Variants in SPIRE2 observed in about 807,000 individuals in gnomAD.
SPIRE2 encodes the protein protein spire homolog 2.
SPIRE2 carries 76 observed loss-of-function variants against 80.7 expected under a neutral mutation model. The observed-to-expected ratio is 0.94, with a 90% confidence interval of 0.78 to 1.14. SPIRE2 has a LOEUF of 1.14. Among genes scored for constraint, SPIRE2 ranks in the 50% most tolerant of loss-of-function variants. The pLI, the probability that SPIRE2 is intolerant of heterozygous loss-of-function variation, is 0.00. For missense variants in SPIRE2, 1,196 were observed against 1,015.3 expected (o/e 1.18, Z -2.42); for synonymous variants, 535 against 432.6 (o/e 1.24, Z -2.94).
Position 89,850,390 on chromosome 16 carries a change from G to A in SPIRE2, c.375G>A (p.Leu125=), listed in dbSNP as rs1228648925. The A allele has an allele frequency of 1.9e-6, 3 of 1,598,080 alleles. No homozygotes were observed. Among genetic ancestry groups the A allele is most frequent in the Non-Finnish European group, 2.6e-6 (3 of 1,174,002 alleles). ...AGGAGCGCGAACTCAGCCCTCAGCTGGAGCGGCTCATCGACCTCATGGCCA... is the reference window on the plus strand; with the variant it reads ...AGGAGCGCGAACTCAGCCCTCAGCTAGAGCGGCTCATCGACCTCATGGCCA... ...ESEERELSPQ[L]ERLIDLMANN... is the part of the protein sequence containing the mutation. Residue 125 remains leucine (L), a synonymous_variant, in exon 3 of 15, where the codon CTG becomes CTA. Transcript: ENST00000378247.
chr16:89,854,389 CGGGCCACTGACGCGGCCCAGCCT>C, intron 4 of SPIRE2, 23 bp downstream of exon 4: 2 of 1,611,446 alleles, frequency 1.2e-6, no homozygotes, highest in Non-Finnish European at 1.7e-6. Context: ...CCCACCTGAC[CGGGCCACTGACGCGGCCCAGCCT>C]GCCAAGGGTC....
chr16:89,845,449 A>G lies in SPIRE2; in HGVS notation c.288+84A>G, dbSNP rs1357645886. On this transcript the variant is annotated intron_variant, in intron 2 of 14. Transcript: ENST00000378247. ...AAAATGTAAATCATAAAACATATAT[A>G]GTTACACAGTTGTTTCAGGGAGGCA... 8.8e-6 allele frequency: 11 copies of G among 1,254,372 alleles called. No individual in the cohort carries two copies. In the Admixed American group the frequency reaches 1.9e-4, roughly 21 times the overall value. The allele number at this position is 1,254,372 out of a possible 1,614,324, so 77.7% of individuals were successfully genotyped here. A position where few individuals can be genotyped will look rare whatever the true frequency, so the allele number is the denominator to read the frequency against.
intron 1 of SPIRE2, among the ~76,000 whole-genome samples, chr16:89,839,366 T>TC (rs1166219924): frequency 1.0e-5 from 1 of 100,426 alleles, no homozygotes; most frequent in Non-Finnish European, 1.8e-5. Context: ...AGAGCGAGAC[T>TC]CCATCTCAAA....
chr16:89,841,252 C>T (rs2041503396), intron 1 of SPIRE2, among the ~76,000 whole-genome samples: 1 of 151,796 alleles, frequency 6.6e-6, no homozygotes, highest in Non-Finnish European at 1.5e-5. Context: ...TGCTTCCCTG[C>T]AGGGAGAAAT....
chr16:89,859,117 G>T, intron 8 of SPIRE2, 48 bp from the exon 9 acceptor site: 1 of 1,462,948 alleles, frequency 6.8e-7, no homozygotes, highest in Non-Finnish European at 9.2e-7. Flanking sequence ...TGGGCAGGAG[G>T]CACTGGCGGG....
Position 89,854,567 on chromosome 16 carries a change from C to T in SPIRE2, c.807C>T (p.Pro269=), listed in dbSNP as rs374480818. ...AGGTGCAAGAGCAGGAGTTCAACCC[C>T]CTCCCCACCGAGTTCCAGCTCACGC... ...LKKVQEQEFN[P]LPTEFQLTPF... is the part of the protein sequence containing the mutation. Residue 269 remains proline (P), a synonymous_variant, in exon 5 of 15, where the codon CCC becomes CCT. Coordinates refer to ENST00000378247, the MANE Select transcript of SPIRE2 (RefSeq NM_032451.2). 7.4e-6 allele frequency: 12 copies of T among 1,612,296 alleles called. No homozygotes were observed. Among genetic ancestry groups the T allele is most frequent in the Admixed American group, 1.7e-5 (1 of 59,948 alleles).
At chr16:89,833,418 C>T (rs1283336159) in intron 1 of SPIRE2, among the ~76,000 whole-genome samples, 1 of 152,264 alleles carries the variant, frequency 6.6e-6, no homozygotes, top group African/African-American at 2.4e-5. Flanking sequence ...GCCACCGCAC[C>T]CGCCTGGCCA....
chr16:89,863,502 G>C lies in SPIRE2; in HGVS notation c.1602G>C (p.Leu534=). 1 of 1,614,078 alleles carries C rather than the reference G, an allele frequency of 6.2e-7. No individual in the cohort carries two copies. Among genetic ancestry groups the C allele is most frequent in the Non-Finnish European group, 8.5e-7 (1 of 1,180,030 alleles). The part of the protein sequence containing the change: ...WLEFSHPVES[L]ALTVEEVMDV... ...AGTTCAGCCACCCCGTGGAGAGCCTGGCGCTGACTGTGGAAGAGGTGATGG... is the reference window on the plus strand; with the variant it reads ...AGTTCAGCCACCCCGTGGAGAGCCTCGCGCTGACTGTGGAAGAGGTGATGG... The change falls in exon 11 of 15, where the codon CTG becomes CTC. Residue 534 remains leucine, a synonymous_variant. Transcript: ENST00000378247. This position sits in a 1 kb window ranked among gnomAD's most constrained non-coding sequence, Gnocchi z 4.3.
chr16:89,859,141 G>T, intron 8 of SPIRE2, 24 bp from the exon 9 acceptor site: 1 of 1,525,754 alleles, frequency 6.6e-7, no homozygotes, highest in Non-Finnish European at 8.9e-7. Context: ...TGTCAGGGCA[G>T]GGCCGCGTCT....
intron 1 of SPIRE2, among the ~76,000 whole-genome samples, chr16:89,841,183 CAAA>C (rs757371405): frequency 6.3e-5 from 7 of 111,962 alleles, no homozygotes; most frequent in Admixed American, 9.1e-5. Flanking sequence ...CACCTTGTTT[CAAA>C]AAAAAAAAAA....
intron 4 of SPIRE2, 23 bp downstream of exon 4, chr16:89,854,389 C>A (rs777815325): frequency 3.1e-6 from 5 of 1,611,444 alleles, no homozygotes; most frequent in Non-Finnish European, 4.2e-6. Context: ...CCCACCTGAC[C>A]GGGCCACTGA....
Position 89,863,101 on chromosome 16 carries a change from A to G in SPIRE2, c.1576-375A>G. The G allele has an allele frequency of 3.7e-6, 1 of 272,172 alleles. No individual in the cohort carries two copies. Among genetic ancestry groups the G allele is most frequent in the Non-Finnish European group, 7.2e-6 (1 of 139,538 alleles). 16.9% of individuals were successfully genotyped at this position (272,172 alleles called of 1,614,324 possible). ...TGTTGGAGGGTCCTGGACCTTCCAG[A>G]AAAGAGGACATCAGCTGCTCAGGGA... is the stretch of plus-strand genomic sequence containing the variant. On this transcript the variant is annotated intron_variant, in intron 10 of 14. Transcript: ENST00000378247. This position sits in a 1 kb window ranked among gnomAD's most constrained non-coding sequence, Gnocchi z 4.3.
rs200605959 is a variant in SPIRE2 at position 89,869,589 on chromosome 16, T to G, written c.1829T>G (p.Phe610Cys). Reference protein sequence around the residue: ...SIKMKMPSKKFGHIPVYTLGF... With the variant: ...SIKMKMPSKKCGHIPVYTLGF... ...CAGATGAAGATGCCTTCTAAGAAAT[T>G]TGGACACATCCCTGTCTACACACTG... Residue 610 changes from phenylalanine to cysteine, a missense_variant, in exon 14 of 15, where the codon TTT becomes TGT. By Grantham distance (205) the Phe-to-Cys change is radical. Coordinates refer to ENST00000378247, the MANE Select transcript of SPIRE2 (RefSeq NM_032451.2). The G allele has an allele frequency of 3.7e-6, 6 of 1,613,790 alleles. No individual in the cohort carries two copies. Among genetic ancestry groups the G allele is most frequent in the Non-Finnish European group, 5.1e-6 (6 of 1,179,900 alleles).
At position 89,856,253 on chromosome 16, in the gene SPIRE2, CAGG is replaced by C; in HGVS notation, c.1102+20_1102+22del. ...CTGCCCGCGGTGAGTGAGGGGATGG[CAGG>C]AGAAGAGAGCCCTGAGCCCCCGGCT... is the stretch of plus-strand genomic sequence containing the variant. On this transcript the variant is annotated intron_variant, in intron 7 of 14. Coordinates refer to ENST00000378247, the MANE Select transcript of SPIRE2 (RefSeq NM_032451.2). The C allele has an allele frequency of 6.4e-7, 1 of 1,557,112 alleles. No individual in the cohort carries two copies. Among genetic ancestry groups the C allele is most frequent in the South Asian group, 1.2e-5 (1 of 84,944 alleles).
chr16:89,867,306 G>A, intron 12 of SPIRE2, among the ~76,000 whole-genome samples: 1 of 151,660 alleles, frequency 6.6e-6, no homozygotes, highest in East Asian at 2.0e-4. Context: ...ACCATGCCCG[G>A]CTAATTTTTT....
In SPIRE2 at chr16:89,850,501, CCG is replaced by C; in HGVS notation, c.488_489del (p.Arg163GlnfsTer166). ...AGGAGGAGGAGGCCGAGGGCGTCCC[CCG>C]CAGCGTGCGCACCTTTGCCCAGGCC... ...EEEEEAEGVPRSVRTFAQAMR... is the reference protein window; with the variant it reads ...EEEEEAEGVPXSVRTFAQAMR... On this transcript the variant is annotated frameshift_variant, in exon 3 of 15. Transcript: ENST00000378247. LOFTEE classifies it high-confidence loss of function. 6.5e-7 allele frequency: 1 copy of C among 1,527,426 alleles called. No individual in the cohort carries two copies. Among genetic ancestry groups the C allele is most frequent in the Non-Finnish European group, 8.8e-7 (1 of 1,140,588 alleles). The allele number at this position is 1,527,426 out of a possible 1,614,324, so 94.6% of individuals were successfully genotyped here. A position where few individuals can be genotyped will look rare whatever the true frequency, so the allele number is the denominator to read the frequency against.
At position 89,863,952 on chromosome 16, in the gene SPIRE2, A is replaced by G. The variant is rs922055163; in HGVS notation, c.1778+91A>G. 1.0e-6 allele frequency: 1 copy of G among 959,734 alleles called. No individual in the cohort carries two copies. The highest frequency in any genetic ancestry group is 2.1e-5 in the Admixed American group (1 of 46,768). 59.5% of individuals were successfully genotyped at this position (959,734 alleles called of 1,614,324 possible). On this transcript the variant is annotated intron_variant, in intron 12 of 14. Coordinates refer to ENST00000378247, the MANE Select transcript of SPIRE2 (RefSeq NM_032451.2). This position sits in a 1 kb window ranked among gnomAD's most constrained non-coding sequence, Gnocchi z 4.3. ...CGCCCACAGAACTTCCTGTGATTCCAGGAATGTTCTAGCATGTTCGATGGC... is the reference window on the plus strand; with the variant it reads ...CGCCCACAGAACTTCCTGTGATTCCGGGAATGTTCTAGCATGTTCGATGGC...
At chr16:89,861,772 G>C (rs2041746459) in intron 10 of SPIRE2, among the ~76,000 whole-genome samples, 1 of 152,186 alleles carries the variant, frequency 6.6e-6, no homozygotes, top group Non-Finnish European at 1.5e-5. Context: ...TCACCCAGCT[G>C]TGAGCAGGAG....
chr16:89,842,712 G>A (rs958039014), intron 1 of SPIRE2, among the ~76,000 whole-genome samples: 1 of 152,198 alleles, frequency 6.6e-6, no homozygotes, highest in Non-Finnish European at 1.5e-5. Context: ...TCTGTTCCAG[G>A]GAGCACCTTT....
Sources: gnomAD v4.1 joint callset for allele counts (sites outside exome capture counted in the v4.1 genomes callset) on GRCh38, gnomAD v4.1.1 for gene constraint, Gnocchi (gnomAD v3.1) non-coding constraint, MANE v1.5 for transcripts, NCBI Gene and HGNC (gene_info 2026-07-23, HGNC 2026-07-21) for gene names.